Variants in NLRX1 observed in about 807,000 individuals in gnomAD.
NLRX1 encodes the protein NLR family member X1.
NLRX1 carries 67 observed loss-of-function variants against 74.2 expected under a neutral mutation model. The observed-to-expected ratio is 0.90, with a 90% CI of 0.74 to 1.11. NLRX1 has a LOEUF of 1.11. Among genes scored for constraint, NLRX1 ranks in the 50% least tolerant of loss-of-function variants. The pLI, the probability that NLRX1 is intolerant of heterozygous loss-of-function variation, is 0.00. For synonymous variants in NLRX1, 506 were observed against 559.1 expected, an observed-to-expected ratio of 0.91 and a Z score of 1.34; for missense variants, 1,191 against 1,305.4, an observed-to-expected ratio of 0.91 and a Z score of 1.35.
chr11:119,183,245 G>A lies in NLRX1; in HGVS notation c.2734G>A (p.Val912Met). The change falls in exon 10 of 10, where the codon GTG becomes ATG. Residue 912 changes from valine (V) to methionine (M), a missense_variant. Transcript: ENST00000409109. This position sits in a 1 kb window ranked among gnomAD's most constrained non-coding sequence, Gnocchi z 5.7. ...GACGGCGGTGTCAGAATACTGGTCA[G>A]TGATCCTCAGTGAAGTCCAGCGGAA... ...EGTAVSEYWS[V>M]ILSEVQRNLN... 6.2e-7 allele frequency: 1 copy of A among 1,614,232 alleles called. No individual in the cohort carries two copies. Among genetic ancestry groups the A allele is most frequent in the African/African-American group, 1.3e-5 (1 of 75,058 alleles).
chr11:119,171,537 C>A, intron 2 of NLRX1, 64 bp downstream of exon 2: 1 of 1,203,778 alleles, frequency 8.3e-7, no homozygotes, highest in Non-Finnish European at 1.2e-6. Context: ...CACATGATGC[C>A]TCCAAGACAG....
chr11:119,176,879 T>G (rs545477412), intron 6 of NLRX1, among the ~76,000 whole-genome samples: 34 of 152,310 alleles, frequency 2.2e-4, no homozygotes, highest in African/African-American at 7.7e-4. Context: ...AACAGGGATT[T>G]GGTAACTCAG....
rs59630475 is a variant in NLRX1 at position 119,170,000 on chromosome 11, GAAAAAAAAAAAAAAAAAA to G, written c.-49+715_-49+732del. On this transcript the variant is annotated intron_variant, in intron 1 of 9. Coordinates refer to ENST00000409109, the MANE Select transcript of NLRX1 (RefSeq NM_001282144.2). ...AACAGAGCGAGAGACCCTGTCTCAGGAAAAAAAAAAAAAAAAAAAAAAAAAAAAAAAAAATTGGTTGGG... is the reference window on the plus strand; with the variant it reads ...AACAGAGCGAGAGACCCTGTCTCAGGAAAAAAAAAAAAAAAATTGGTTGGG... Among the ~76,000 whole-genome samples, 18 of 40,332 alleles carry G rather than the reference GAAAAAAAAAAAAAAAAAA, an allele frequency of 4.5e-4. No individual in the cohort carries two copies. The Admixed American group carries it at 6.2e-3, about 14-fold the overall frequency. 26.5% of individuals were successfully genotyped at this position (40,332 alleles called of 152,430 possible).
At position 119,182,117 on chromosome 11, in the gene NLRX1, C is replaced by A. The variant is rs4245191; in HGVS notation, c.2378C>A (p.Ala793Glu). The stretch of plus-strand genomic sequence containing the variant: ...AGGCTGTCCAACAACCCGCTGACGG[C>A]GGCAGGTGTTGCCGTGCTAATGGAG... Reference protein sequence around the residue: ...TLRLSNNPLTAAGVAVLMEGL... With the variant: ...TLRLSNNPLTEAGVAVLMEGL... Residue 793 changes from alanine to glutamate, a missense_variant, in exon 9 of 10, where the codon GCG becomes GAG. Ala to Glu is a moderately radical substitution (Grantham distance 107). Transcript: ENST00000409109. 0.54 allele frequency: 864,991 copies of A among 1,613,768 alleles called. 239,665 individuals are homozygous for A. The highest frequency in any genetic ancestry group is 0.86 in the East Asian group (38,733 of 44,848).
Position 119,182,203 on chromosome 11 carries a change from G to A in NLRX1, c.2464G>A (p.Glu822Lys), listed in dbSNP as rs1192054797. 12 of 1,613,920 alleles carry A rather than the reference G, an allele frequency of 7.4e-6. No homozygotes were observed. In the East Asian group the frequency reaches 1.6e-4, roughly 21 times the overall value. Residue 822 changes from glutamate (E) to lysine (K), a missense_variant, in exon 9 of 10, where the codon GAA becomes AAA. Glu to Lys is a moderately conservative substitution (Grantham distance 56). Coordinates refer to ENST00000409109, the MANE Select transcript of NLRX1 (RefSeq NM_001282144.2). ...LSLLHTGLGD[E>K]GLELLAAQLD... ...CCTGCTGCACACGGGCCTTGGGGAC[G>A]AAGGCCTGGAGCTGCTGGCTGCCCA...
In NLRX1 at chr11:119,180,274, T is replaced by C; in HGVS notation, c.2253T>C (p.Arg751=). The change falls in exon 7 of 10, where the codon CGT becomes CGC. Residue 751 remains arginine, a synonymous_variant. Coordinates refer to ENST00000409109, the MANE Select transcript of NLRX1 (RefSeq NM_001282144.2). ...GCACACTCCTGCCTGTCTTCCTGCGTGCCCGGAAGCTGGGGTGAGGACCTA... is the reference window on the plus strand; with the variant it reads ...GCACACTCCTGCCTGTCTTCCTGCGCGCCCGGAAGCTGGGGTGAGGACCTA... The part of the protein sequence containing the change: ...GLRTLLPVFL[R]ARKLGLQLNS... The C allele has an allele frequency of 6.3e-7, 1 of 1,581,522 alleles. No homozygotes were observed. Among genetic ancestry groups the C allele is most frequent in the Non-Finnish European group, 8.6e-7 (1 of 1,157,352 alleles).
intron 5 of NLRX1, 89 bp from the exon 6 acceptor site, chr11:119,174,364 G>T: frequency 7.5e-7 from 1 of 1,332,018 alleles, no homozygotes; most frequent in South Asian, 1.3e-5. Context: ...CTTCATCCTT[G>T]GACACTCCGT....
Position 119,173,074 on chromosome 11 carries a change from G to A in NLRX1, c.229+85G>A, listed in dbSNP as rs1948596531. Reference sequence around the variant, plus strand: ...AGAAGCAGGGTGAGGGAGGCATAGAGGATCCACTGCCATCTTCCATCGGTG... The same window carrying A: ...AGAAGCAGGGTGAGGGAGGCATAGAAGATCCACTGCCATCTTCCATCGGTG... On this transcript the variant is annotated intron_variant, in intron 4 of 9. Transcript: ENST00000409109. This position sits in a 1 kb window ranked among gnomAD's most constrained non-coding sequence, Gnocchi z 4.0. 3 of 1,036,566 alleles carry A rather than the reference G, an allele frequency of 2.9e-6. No individual in the cohort carries two copies. The highest frequency in any genetic ancestry group is 1.6e-5 in the African/African-American group (1 of 63,614). 64.2% of individuals were successfully genotyped at this position (1,036,566 alleles called of 1,614,324 possible).
chr11:119,169,829 A>G (rs1235924477), intron 1 of NLRX1, among the ~76,000 whole-genome samples: 1 of 151,928 alleles, frequency 6.6e-6, no homozygotes, highest in African/African-American at 2.4e-5. Context: ...CCGTCTCTAC[A>G]AAAACCAAAG....
chr11:119,177,684 C>T (rs1948733922), intron 6 of NLRX1: 1 of 150,854 alleles, frequency 6.6e-6, no homozygotes, highest in African/African-American at 2.5e-5. Flanking sequence ...GGCAGCCCAC[C>T]CCTTCTCACA....
In NLRX1 at chr11:119,168,793, T is replaced by G. The variant is rs1335057329; in HGVS notation, c.-558T>G. ...ACGGGTGGCGCCGGGGTTCCAGCCC[T>G]GCGCCTGCTCCGGAGCACCGGGCCC... On this transcript the variant is annotated 5_prime_UTR_variant, in exon 1 of 10. Coordinates refer to ENST00000409109, the MANE Select transcript of NLRX1 (RefSeq NM_001282144.2). 1.3e-5 allele frequency: 2 copies of G among 152,288 alleles called. No homozygotes were observed. Among genetic ancestry groups the G allele is most frequent in the Non-Finnish European group, 2.9e-5 (2 of 68,156 alleles). 9.4% of individuals were successfully genotyped at this position (152,288 alleles called of 1,614,324 possible). A position where few individuals can be genotyped will look rare whatever the true frequency, so the allele number is the denominator to read the frequency against.
In NLRX1 at chr11:119,173,067, G is replaced by A; in HGVS notation, c.229+78G>A. The A allele has an allele frequency of 8.8e-7, 1 of 1,133,668 alleles. No homozygotes were observed. The allele number at this position is 1,133,668 out of a possible 1,614,324, so 70.2% of individuals were successfully genotyped here. A position where few individuals can be genotyped will look rare whatever the true frequency, so the allele number is the denominator to read the frequency against. On this transcript the variant is annotated intron_variant, in intron 4 of 9. Coordinates refer to ENST00000409109, the MANE Select transcript of NLRX1 (RefSeq NM_001282144.2). This position sits in a 1 kb window ranked among gnomAD's most constrained non-coding sequence, Gnocchi z 4.0. The stretch of plus-strand genomic sequence containing the variant: ...TGGAAGGAGAAGCAGGGTGAGGGAG[G>A]CATAGAGGATCCACTGCCATCTTCC...
rs150161078 is a variant in NLRX1 at position 119,182,114 on chromosome 11, C to T, written c.2375C>T (p.Thr792Met). ...TTLRLSNNPL[T>M]AAGVAVLMEG... is the part of the protein sequence containing the mutation. ...TGTAGGCTGTCCAACAACCCGCTGA[C>T]GGCGGCAGGTGTTGCCGTGCTAATG... The change falls in exon 9 of 10, where the codon ACG becomes ATG. Residue 792 changes from threonine (T) to methionine (M), a missense_variant. Transcript: ENST00000409109. 6.8e-6 allele frequency: 11 copies of T among 1,614,142 alleles called. No homozygotes were observed. Among genetic ancestry groups the T allele is most frequent in the South Asian group, 5.5e-5 (5 of 91,074 alleles).
chr11:119,173,543 C>A lies in NLRX1; in HGVS notation c.294C>A (p.Arg98=). 6.2e-7 allele frequency: 1 copy of A among 1,614,162 alleles called. No individual in the cohort carries two copies. Among genetic ancestry groups the A allele is most frequent in the South Asian group, 1.1e-5 (1 of 91,084 alleles). ...EWFSRLPREE[R]QFGPTFALDT... ...TCAGCCGGCTGCCCAGGGAGGAGCG[C>A]CAGTTTGGCCCAACCTTTGCCCTAG... The change falls in exon 5 of 10, where the codon CGC becomes CGA. Residue 98 remains arginine (R), a synonymous_variant. Transcript: ENST00000409109. This position sits in a 1 kb window ranked among gnomAD's most constrained non-coding sequence, Gnocchi z 4.0.
Position 119,173,671 on chromosome 11 carries a change from TC to T in NLRX1, c.428del (p.Pro143HisfsTer81), listed in dbSNP as rs767102699. The T allele has an allele frequency of 2.5e-6, 4 of 1,613,910 alleles. No individual in the cohort carries two copies. The highest frequency in any genetic ancestry group is 2.2e-5 in the South Asian group (2 of 91,078). On this transcript the variant is annotated frameshift_variant, in exon 5 of 10. Transcript: ENST00000409109. LOFTEE classifies it high-confidence loss of function. This position sits in a 1 kb window ranked among gnomAD's most constrained non-coding sequence, Gnocchi z 4.0. ...ALEHQPPQAGLPPLALSQLFN... is the reference protein window; with the variant it reads ...ALEHQPPQAGXPPLALSQLFN... ...GAGCATCAGCCACCCCAGGCCGGGCTCCCCCCACTGGCCTTGTCTCAGCTCT... is the reference window on the plus strand; with the variant it reads ...GAGCATCAGCCACCCCAGGCCGGGCTCCCCCACTGGCCTTGTCTCAGCTCT...
At chr11:119,172,805 CAGA>C (rs1948586441) in intron 3 of NLRX1, 93 bp from the exon 4 acceptor site, 1 of 904,782 alleles carries the variant, frequency 1.1e-6, no homozygotes, top group African/African-American at 1.6e-5. Flanking sequence ...CTCAGGAAAC[CAGA>C]AGTCTAGCAG....
At position 119,181,207 on chromosome 11, in the gene NLRX1, G is replaced by A; in HGVS notation, c.2304G>A (p.Lys768=). 1.2e-6 allele frequency: 2 copies of A among 1,613,844 alleles called. No homozygotes were observed. Among genetic ancestry groups the A allele is most frequent in the Non-Finnish European group, 1.7e-6 (2 of 1,179,954 alleles). ...ACAGCCTGGGCCCTGAGGCCTGCAA[G>A]GACCTCCGAGACCTGTTGCTGCATG... ...QLNSLGPEAC[K]DLRDLLLHDQ... Residue 768 remains lysine, a synonymous_variant, in exon 8 of 10, where the codon AAG becomes AAA. Transcript: ENST00000409109.
chr11:119,180,256 C>G lies in NLRX1; in HGVS notation c.2235C>G (p.Leu745=), dbSNP rs979991032. Residue 745 remains leucine, a synonymous_variant, in exon 7 of 10, where the codon CTC becomes CTG. Coordinates refer to ENST00000409109, the MANE Select transcript of NLRX1 (RefSeq NM_001282144.2). ...CQLDPAGLRT[L]LPVFLRARKL... is the part of the protein sequence containing the mutation. ...TAGATCCTGCTGGGCTGCGCACACTCCTGCCTGTCTTCCTGCGTGCCCGGA... is the reference window on the plus strand; with the variant it reads ...TAGATCCTGCTGGGCTGCGCACACTGCTGCCTGTCTTCCTGCGTGCCCGGA... 6.3e-7 allele frequency: 1 copy of G among 1,593,022 alleles called. No individual in the cohort carries two copies. The highest frequency in any genetic ancestry group is 1.3e-5 in the African/African-American group (1 of 74,734).
chr11:119,171,544 A>G, intron 2 of NLRX1, 71 bp downstream of exon 2: 2 of 1,119,596 alleles, frequency 1.8e-6, no homozygotes, highest in Non-Finnish European at 2.7e-6. Context: ...TGCCTCCAAG[A>G]CAGCAGGGAT....
Sources: gnomAD v4.1 joint callset for allele counts (sites outside exome capture counted in the v4.1 genomes callset) on GRCh38, gnomAD v4.1.1 for gene constraint, Gnocchi (gnomAD v3.1) non-coding constraint, MANE v1.5 for transcripts, NCBI Gene and HGNC (gene_info 2026-07-23, HGNC 2026-07-21) for gene names.